DLG1: variants seen among roughly 807,000 people sequenced by gnomAD.
The protein encoded by DLG1 is discs large MAGUK scaffold protein 1, also known as disks large homolog 1.
DLG1 carries 42 observed loss-of-function variants against 123.4 expected under a neutral mutation model. That is an observed-to-expected ratio of 0.34 (90% CI 0.27 to 0.44). The LOEUF (loss-of-function observed/expected upper bound fraction) is 0.44. Ranked by LOEUF, DLG1 falls within the 20% of genes least tolerant of loss-of-function variation. The pLI, the probability that DLG1 is intolerant of heterozygous loss-of-function variation, is 1.00. For missense variants in DLG1, 942 were observed against 1,082.6 expected, an observed-to-expected ratio of 0.87 and a Z score of 1.82; for synonymous variants, 317 against 356.2, an observed-to-expected ratio of 0.89 and a Z score of 1.24.
chr3:197,227,931 CTG>C (rs1226649498), intron 4 of DLG1, among the ~76,000 whole-genome samples: 1 of 152,166 alleles, frequency 6.6e-6, no homozygotes, highest in Non-Finnish European at 1.5e-5. Context: ...AAAAAGTAAA[CTG>C]TGCTCCTTAG....
intron 4 of DLG1, among the ~76,000 whole-genome samples, chr3:197,245,172 C>T (rs1334491581): frequency 6.6e-6 from 1 of 152,078 alleles, no homozygotes; most frequent in Admixed American, 6.6e-5. Context: ...GTATGGTATT[C>T]CCACTTTATT....
In DLG1 at chr3:197,281,821, T is replaced by C. The variant is rs1769503074; in HGVS notation, c.318+858A>G. ...TTTAACATGAAGACAAGGGATCAGA[T>C]GTGCTCCGATTCTTCCTGCTCTAAA... On this transcript the variant is annotated intron_variant, in intron 4 of 24. Transcript: ENST00000667157. 3.9e-5 allele frequency among the ~76,000 whole-genome samples: 6 copies of C among 152,214 alleles called. No homozygotes were observed. In the South Asian group the frequency reaches 1.2e-3, roughly 32 times the overall value.
intron 4 of DLG1, among the ~76,000 whole-genome samples, chr3:197,275,658 C>A (rs186362254): frequency 6.6e-6 from 1 of 152,268 alleles, no homozygotes; most frequent in Non-Finnish European, 1.5e-5. Context: ...GCAAATATCA[C>A]ATGTTGTCAC....
intron 4 of DLG1, among the ~76,000 whole-genome samples, chr3:197,247,736 T>C (rs941020530): frequency 2.0e-5 from 3 of 152,308 alleles, no homozygotes; most frequent in Middle Eastern, 3.4e-3. Context: ...ACATGAGACC[T>C]AAGGGACTAT....
At chr3:197,066,315 AAAG>A (rs1352669857) in intron 20 of DLG1, among the ~76,000 whole-genome samples, 2 of 152,156 alleles carry the variant, frequency 1.3e-5, no homozygotes, top group Admixed American at 6.5e-5. Context: ...GAAGGGATGA[AAAG>A]AAGGTCATAA....
chr3:197,060,058 A>C (rs950098158), intron 22 of DLG1, 60 bp from the exon 23 acceptor site: 9 of 1,259,052 alleles, frequency 7.1e-6, no homozygotes, highest in Admixed American at 1.9e-5. Flanking sequence ...ATAATATCAA[A>C]GGTACTTTTC....
At chr3:197,211,095 T>C (rs1393808455) in intron 4 of DLG1, among the ~76,000 whole-genome samples, 1 of 146,234 alleles carries the variant, frequency 6.8e-6, no homozygotes. Context: ...AACAGACATA[T>C]AAAATATGTG....
intron 4 of DLG1, among the ~76,000 whole-genome samples, chr3:197,237,306 T>G (rs1209718807): frequency 6.6e-6 from 1 of 152,054 alleles, no homozygotes; most frequent in Non-Finnish European, 1.5e-5. Flanking sequence ...GTCCCTGAGT[T>G]TTCTTTTTTA....
intron 7 of DLG1, among the ~76,000 whole-genome samples, chr3:197,140,563 G>A (rs1787448503): frequency 6.6e-6 from 1 of 152,306 alleles, no homozygotes; most frequent in South Asian, 2.1e-4. Flanking sequence ...CCCATCTGCA[G>A]AGGTGTCACT....
chr3:197,127,486 ATATATATATAAAGT>A (rs1780272573), intron 11 of DLG1, among the ~76,000 whole-genome samples: 1 of 87,896 alleles, frequency 1.1e-5, no homozygotes, highest in Non-Finnish European at 2.2e-5. Flanking sequence ...ATATATATAT[ATATATATATAAAGT>A]AAGAAACCTA....
rs368821714 is a variant in DLG1, at chr3:197,140,269, G to A, written c.589-5C>T. On this transcript the variant is annotated splice_polypyrimidine_tract_variant and splice_region_variant and intron_variant, in intron 7 of 24. Coordinates refer to ENST00000667157, the MANE Select transcript of DLG1 (RefSeq NM_001366207.1). ...GAAACCAAGCCCTGAATTTCCCTGA[G>A]GATAGAAGAAAAAAAATTGAGACTG... 3 of 1,608,440 alleles carry A rather than the reference G, an allele frequency of 1.9e-6. No homozygotes were observed. The highest frequency in any genetic ancestry group is 1.7e-5 in the Admixed American group (1 of 58,926).
At chr3:197,136,465 G>A (rs1048296017) in intron 10 of DLG1, 77 bp downstream of exon 10, 1 of 1,232,002 alleles carries the variant, frequency 8.1e-7, no homozygotes, top group East Asian at 2.4e-5. Context: ...TTTTTGGTAT[G>A]GAGAAATTCC....
intron 5 of DLG1, among the ~76,000 whole-genome samples, chr3:197,193,836 T>C (rs80176699): frequency 6.6e-6 from 1 of 152,210 alleles, no homozygotes; most frequent in South Asian, 2.1e-4. Flanking sequence ...TTTTTTTTTT[T>C]TTGAAATGGA....
intron 5 of DLG1, among the ~76,000 whole-genome samples, chr3:197,185,921 T>C (rs1715668212): frequency 6.6e-6 from 1 of 152,160 alleles, no homozygotes; most frequent in South Asian, 2.1e-4. Flanking sequence ...GGTAGGCTCT[T>C]AGTGTGCATC....
At chr3:197,149,088 A>T (rs954946550) in intron 6 of DLG1, among the ~76,000 whole-genome samples, 30 of 152,300 alleles carry the variant, frequency 2.0e-4, no homozygotes, top group African/African-American at 7.0e-4. Context: ...TACCTTTTTA[A>T]AGTATGCAAT....
chr3:197,060,308 A>T (rs1264284217), intron 22 of DLG1, among the ~76,000 whole-genome samples: 2 of 151,976 alleles, frequency 1.3e-5, no homozygotes, highest in African/African-American at 2.4e-5. Context: ...CCCTTTTTTT[A>T]AAATTTAAGG....
At chr3:197,066,100 T>C (rs376519147) in intron 20 of DLG1, among the ~76,000 whole-genome samples, 1 of 152,210 alleles carries the variant, frequency 6.6e-6, no homozygotes, top group East Asian at 1.9e-4. Flanking sequence ...GAATAAAGTC[T>C]AGTGTTTTAC....
chr3:197,258,680 C>CT (rs1757981106), intron 4 of DLG1, among the ~76,000 whole-genome samples: 1 of 151,886 alleles, frequency 6.6e-6, no homozygotes, highest in Non-Finnish European at 1.5e-5. Flanking sequence ...ACAAAGCTCT[C>CT]TAAGACCAGA....
Position 197,086,716 on chromosome 3 carries a change from A to AG in DLG1, c.1662-961dup, listed in dbSNP as rs200520216. Among the ~76,000 whole-genome samples the AG allele has an allele frequency of 5.6e-4, 86 of 152,272 alleles. No homozygotes were observed. In the East Asian group the frequency reaches 0.014, roughly 25 times the overall value. On this transcript the variant is annotated intron_variant, in intron 15 of 24. Transcript: ENST00000667157. ...GTGGGGCTAAAGGTGCTAGGGAAGC[A>AG]GGGGGGATCGTTAAGCAGGAGGGCT... is the stretch of plus-strand genomic sequence containing the variant.
Sources: gnomAD v4.1 joint callset for allele counts (sites outside exome capture counted in the v4.1 genomes callset) on GRCh38, gnomAD v4.1.1 for gene constraint, MANE v1.5 for transcripts, NCBI Gene and HGNC (gene_info 2026-07-23, HGNC 2026-07-21) for gene names.